MSL1: variants seen among roughly 807,000 people sequenced by gnomAD.
MSL1 encodes the protein male-specific lethal 1 homolog.
In MSL1, 21 loss-of-function variants were observed where a neutral mutation model predicts 64.6. The observed-to-expected ratio is 0.33, with a 90% confidence interval of 0.23 to 0.47. MSL1 has a LOEUF of 0.47. Among genes scored for constraint, MSL1 ranks in the 20% least tolerant of loss-of-function variants. The probability of loss-of-function intolerance (pLI) is 1.00; values close to 1 mark genes in which losing one functional copy is unlikely to be tolerated. For missense variants in MSL1, 664 were observed against 793.2 expected, an observed-to-expected ratio of 0.84 and a Z score of 1.96; for synonymous variants, 339 against 329.6, an observed-to-expected ratio of 1.03 and a Z score of -0.31.
chr17:40,126,173 T>A lies in MSL1; in HGVS notation c.769-10T>A. ...GTGTTAAGTCTGCATTTTGCTACTC[T>A]CTCTTTTAGCTCCTTGCTCGGATTG... is the stretch of plus-strand genomic sequence containing the variant. On this transcript the variant is annotated splice_polypyrimidine_tract_variant and intron_variant, in intron 1 of 8. Coordinates refer to ENST00000398532, the MANE Select transcript of MSL1 (RefSeq NM_001365919.1). 1 of 1,613,432 alleles carries A rather than the reference T, an allele frequency of 6.2e-7. No homozygotes were observed. Among genetic ancestry groups the A allele is most frequent in the Non-Finnish European group, 8.5e-7 (1 of 1,179,370 alleles).
chr17:40,128,599 C>T (rs1988374293), intron 2 of MSL1, among the ~76,000 whole-genome samples: 1 of 148,232 alleles, frequency 6.7e-6, no homozygotes, highest in Non-Finnish European at 1.5e-5. Flanking sequence ...CCAGGCTGGT[C>T]TCGAACTCCT....
In MSL1 at chr17:40,134,313, C is replaced by A; in HGVS notation, c.1789C>A (p.Arg597=). 1 of 1,557,670 alleles carries A rather than the reference C, an allele frequency of 6.4e-7. No homozygotes were observed. ...FELPWLDERS[R]CRLEIQKKQT... ...GCTACCCTGGTTGGATGAGCGTAGCCGATGCAGATTGGAGATCCAGAAGAA... is the reference window on the plus strand; with the variant it reads ...GCTACCCTGGTTGGATGAGCGTAGCAGATGCAGATTGGAGATCCAGAAGAA... The change falls in exon 9 of 9, where the codon CGA becomes AGA. Residue 597 remains arginine, a synonymous_variant. Coordinates refer to ENST00000398532, the MANE Select transcript of MSL1 (RefSeq NM_001365919.1).
chr17:40,127,051 T>C (rs1598411027), intron 2 of MSL1, among the ~76,000 whole-genome samples: 1 of 151,848 alleles, frequency 6.6e-6, no homozygotes, highest in East Asian at 2.0e-4. Flanking sequence ...AAAAGTAAAA[T>C]ACAGGCCAGG....
Position 40,122,884 on chromosome 17 carries a change from A to C in MSL1, c.272A>C (p.Gln91Pro). 7.1e-7 allele frequency: 1 copy of C among 1,411,160 alleles called. No individual in the cohort carries two copies. The highest frequency in any genetic ancestry group is 1.5e-5 in the African/African-American group (1 of 65,874). The allele number at this position is 1,411,160 out of a possible 1,614,324, so 87.4% of individuals were successfully genotyped here. ...CTCCCGGCCGGGGCGGCCCCCGGGC[A>C]GCAGGAAGAGAGCTGGGGCGGTTCG... ...LLLPAGAAPG[Q>P]QEESWGGSVP... Residue 91 changes from glutamine to proline, a missense_variant, in exon 1 of 9, where the codon CAG (glutamine) becomes CCG (proline). By Grantham distance (76) the Gln-to-Pro change is moderately conservative. Around this residue, in one of 4 missense-constraint regions of MSL1, gnomAD observed 466 missense variants for 499.0 expected, o/e 0.93. Coordinates refer to ENST00000398532, the MANE Select transcript of MSL1 (RefSeq NM_001365919.1). The surrounding 1 kb of genome is among the most constrained non-coding windows in gnomAD (Gnocchi z 4.2).
At chr17:40,126,090 G>A in intron 1 of MSL1, 93 bp from the exon 2 acceptor site, 1 of 1,089,122 alleles carries the variant, frequency 9.2e-7, no homozygotes, top group Admixed American at 2.1e-5. Flanking sequence ...ATAGAAAGAG[G>A]CAGAAGACTA....
At position 40,122,968 on chromosome 17, in the gene MSL1, C is replaced by T. The variant is rs1424478735; in HGVS notation, c.356C>T (p.Ala119Val). ...CAAGCCGGCATTGGGGGGGAGCCTGCCGCAGCCGGAGCCGGCTGCAGCCCC... is the reference window on the plus strand; with the variant it reads ...CAAGCCGGCATTGGGGGGGAGCCTGTCGCAGCCGGAGCCGGCTGCAGCCCC... ...TKQAGIGGEP[A>V]AAGAGCSPRP... Residue 119 changes from alanine (A) to valine (V), a missense_variant, in exon 1 of 9, where the codon GCC (alanine) becomes GTC (valine). By Grantham distance (64) the Ala-to-Val change is moderately conservative (BLOSUM62 0). This residue lies in a region of MSL1 where 466 missense variants were observed against 499.0 expected (regional missense o/e 0.93). Transcript: ENST00000398532. The surrounding 1 kb of genome is among the most constrained non-coding windows in gnomAD (Gnocchi z 4.2). 2 of 1,527,054 alleles carry T rather than the reference C, an allele frequency of 1.3e-6. No homozygotes were observed. The highest frequency in any genetic ancestry group is 2.4e-5 in the South Asian group (2 of 83,610). The allele number at this position is 1,527,054 out of a possible 1,614,324, so 94.6% of individuals were successfully genotyped here.
chr17:40,122,557 T>G lies in MSL1; in HGVS notation c.-56T>G. On this transcript the variant is annotated 5_prime_UTR_variant, in exon 1 of 9. Transcript: ENST00000398532. The surrounding 1 kb of genome is among the most constrained non-coding windows in gnomAD (Gnocchi z 4.2). ...CCCTCAGTCCTCGACCCCCCGCACC[T>G]CGCCCCTTCCCCACCCCCTCCTCCG... The G allele has an allele frequency of 2.5e-5, 20 of 803,774 alleles. No homozygotes were observed. Among genetic ancestry groups the G allele is most frequent in the East Asian group, 4.7e-5 (1 of 21,446 alleles). The allele number at this position is 803,774 out of a possible 1,614,324, so 49.8% of individuals were successfully genotyped here.
In MSL1 at chr17:40,126,337, T is replaced by C. The variant is rs759221968; in HGVS notation, c.923T>C (p.Leu308Pro). 1.9e-6 allele frequency: 3 copies of C among 1,613,868 alleles called. No individual in the cohort carries two copies. Among genetic ancestry groups the C allele is most frequent in the South Asian group, 1.1e-5 (1 of 91,084 alleles). Residue 308 changes from leucine (L) to proline (P), a missense_variant, in exon 2 of 9, where the codon CTT becomes CCT. Transcript: ENST00000398532. ...EKIKLECQPELSETSQTLPPK... is the reference protein window; with the variant it reads ...EKIKLECQPEPSETSQTLPPK... ...ATTAAACTGGAGTGCCAGCCGGAGCTTTCCGAGACATCCCAGACTCTGCCT... is the reference window on the plus strand; with the variant it reads ...ATTAAACTGGAGTGCCAGCCGGAGCCTTCCGAGACATCCCAGACTCTGCCT...
At chr17:40,123,741 A>G (rs1988249348) in intron 1 of MSL1, among the ~76,000 whole-genome samples, 1 of 152,170 alleles carries the variant, frequency 6.6e-6, no homozygotes, top group African/African-American at 2.4e-5. Flanking sequence ...GAAGGGTTAA[A>G]TTAAAGAGCT....
At chr17:40,127,356 AG>A (rs1207907656) in intron 2 of MSL1, among the ~76,000 whole-genome samples, 5 of 148,528 alleles carry the variant, frequency 3.4e-5, no homozygotes, top group Non-Finnish European at 4.5e-5. Context: ...AAAAAAAAAA[AG>A]GTAAAAATGG....
chr17:40,123,215 T>C lies in MSL1; in HGVS notation c.603T>C (p.Ser201=). ...TLAASEGRWK[S]MRKSPLGGGG... ...CGGCCAGCGAGGGCAGATGGAAGAGTATGAGGAAGAGCCCTCTCGGGGGTG... is the reference window on the plus strand; with the variant it reads ...CGGCCAGCGAGGGCAGATGGAAGAGCATGAGGAAGAGCCCTCTCGGGGGTG... The change falls in exon 1 of 9, where the codon AGT becomes AGC. Residue 201 remains serine (S), a synonymous_variant. Coordinates refer to ENST00000398532, the MANE Select transcript of MSL1 (RefSeq NM_001365919.1). 3 of 1,533,786 alleles carry C rather than the reference T, an allele frequency of 2.0e-6. No homozygotes were observed. The highest frequency in any genetic ancestry group is 2.6e-6 in the Non-Finnish European group (3 of 1,146,330).
Position 40,133,532 on chromosome 17 carries a change from A to G in MSL1, c.1557-2A>G. Reference sequence around the variant, plus strand: ...TTGTTTTGTTTGGTTTGTTTTTCCCAGATGGGATATTCAGAGGATCAGGGA... The same window carrying G: ...TTGTTTTGTTTGGTTTGTTTTTCCCGGATGGGATATTCAGAGGATCAGGGA... On this transcript the variant is annotated splice_acceptor_variant, in intron 6 of 8. Coordinates refer to ENST00000398532, the MANE Select transcript of MSL1 (RefSeq NM_001365919.1). LOFTEE classifies it high-confidence loss of function. 1 of 1,608,498 alleles carries G rather than the reference A, an allele frequency of 6.2e-7. No homozygotes were observed. The highest frequency in any genetic ancestry group is 2.2e-5 in the East Asian group (1 of 44,836).
At chr17:40,124,579 T>A (rs934732778) in intron 1 of MSL1, 4 of 152,248 alleles carry the variant, frequency 2.6e-5, no homozygotes, top group Admixed American at 1.3e-4. Flanking sequence ...CATTAAAATA[T>A]CTCATGGTGT....
chr17:40,134,502 CTT>C lies in MSL1; in HGVS notation c.*135_*136del. On this transcript the variant is annotated 3_prime_UTR_variant, in exon 9 of 9. Transcript: ENST00000398532. ...ATAATACCCTTTCATACTTCCTTGA[CTT>C]TGTTTTCATTACTCTGATTTCACAA... 1.4e-6 allele frequency: 1 copy of C among 717,782 alleles called. No homozygotes were observed. Among genetic ancestry groups the C allele is most frequent in the Non-Finnish European group, 2.3e-6 (1 of 429,518 alleles). The allele number at this position is 717,782 out of a possible 1,614,324, so 44.5% of individuals were successfully genotyped here.
chr17:40,131,318 A>G lies in MSL1; in HGVS notation c.1376-219A>G. 1 of 472,022 alleles carries G rather than the reference A, an allele frequency of 2.1e-6. No individual in the cohort carries two copies. Among genetic ancestry groups the G allele is most frequent in the Non-Finnish European group, 3.8e-6 (1 of 261,540 alleles). The allele number at this position is 472,022 out of a possible 1,614,324, so 29.2% of individuals were successfully genotyped here. ...ACCACCCTAAATAATGAAGAAAAGAAGTCGTCTCAGTGTAAAAAAAAAAAG... is the reference window on the plus strand; with the variant it reads ...ACCACCCTAAATAATGAAGAAAAGAGGTCGTCTCAGTGTAAAAAAAAAAAG... On this transcript the variant is annotated intron_variant, in intron 3 of 8. Transcript: ENST00000398532. The surrounding 1 kb of genome is among the most constrained non-coding windows in gnomAD (Gnocchi z 4.5).
chr17:40,133,454 T>C, intron 6 of MSL1, 80 bp from the exon 7 acceptor site: 7 of 1,510,604 alleles, frequency 4.6e-6, no homozygotes, highest in Non-Finnish European at 6.2e-6. Flanking sequence ...ATCTGGATTG[T>C]GTGAGTTGCT....
In MSL1 at chr17:40,134,561, G is replaced by C. The variant is rs1988504798; in HGVS notation, c.*192G>C. 1 of 578,362 alleles carries C rather than the reference G, an allele frequency of 1.7e-6. No homozygotes were observed. 35.8% of individuals were successfully genotyped at this position (578,362 alleles called of 1,614,324 possible). A position where few individuals can be genotyped will look rare whatever the true frequency, so the allele number is the denominator to read the frequency against. On this transcript the variant is annotated 3_prime_UTR_variant, in exon 9 of 9. Transcript: ENST00000398532. ...TTTCATTCGGCTAATTGTGAGTTATGGAGGGTGATTGGGATTTCTTTTCCC... is the reference window on the plus strand; with the variant it reads ...TTTCATTCGGCTAATTGTGAGTTATCGAGGGTGATTGGGATTTCTTTTCCC...
Position 40,135,524 on chromosome 17 carries a change from T to C in MSL1, c.*1155T>C, listed in dbSNP as rs1252180868. Reference sequence around the variant, plus strand: ...TGCCTTTCTTTAGTCTTCAGGACTATTGTGTGAAAACAAGTAGGGGTCTAA... The same window carrying C: ...TGCCTTTCTTTAGTCTTCAGGACTACTGTGTGAAAACAAGTAGGGGTCTAA... On this transcript the variant is annotated 3_prime_UTR_variant, in exon 9 of 9. Coordinates refer to ENST00000398532, the MANE Select transcript of MSL1 (RefSeq NM_001365919.1). The C allele has an allele frequency of 2.0e-5, 3 of 152,338 alleles. No homozygotes were observed. Among genetic ancestry groups the C allele is most frequent in the Non-Finnish European group, 4.4e-5 (3 of 68,036 alleles). The allele number at this position is 152,338 out of a possible 1,614,324, so 9.4% of individuals were successfully genotyped here. A position where few individuals can be genotyped will look rare whatever the true frequency, so the allele number is the denominator to read the frequency against.
intron 1 of MSL1, among the ~76,000 whole-genome samples, chr17:40,125,299 T>TG: frequency 6.7e-6 from 1 of 149,500 alleles, no homozygotes; most frequent in African/African-American, 2.6e-5. Context: ...TCATGATTGT[T>TG]GGAATTATGG....
Sources: allele counts gnomAD v4.1 joint callset (sites outside exome capture counted in the v4.1 genomes callset), GRCh38; gene constraint gnomAD v4.1.1; regional missense constraint gnomAD v4.1.1; non-coding constraint Gnocchi (gnomAD v3.1); transcripts MANE v1.5; gene names NCBI Gene and HGNC (gene_info 2026-07-23, HGNC 2026-07-21).